Variants in CCDC6 observed in about 807,000 individuals in gnomAD.
The protein encoded by CCDC6 is coiled-coil domain containing 6.
In CCDC6, 20 loss-of-function variants were observed where a neutral mutation model predicts 56.6. The observed-to-expected ratio is 0.35, with a 90% CI of 0.25 to 0.51. CCDC6 has a LOEUF of 0.51. CCDC6 is among the 20% of genes least tolerant of loss of function. The pLI is 0.95. For missense variants in CCDC6, 367 were observed against 601.1 expected, an observed-to-expected ratio of 0.61 and a Z score of 4.07; for synonymous variants, 241 against 234.4, an observed-to-expected ratio of 1.03 and a Z score of -0.26.
chr10:59,855,284 T>C (rs1014273864), intron 1 of CCDC6, among the ~76,000 whole-genome samples: 1 of 152,226 alleles, frequency 6.6e-6, no homozygotes, highest in African/African-American at 2.4e-5. Context: ...ATTGTGGCTC[T>C]AGGCCAGGCG....
At chr10:59,861,718 T>C (rs1157417305) in intron 1 of CCDC6, among the ~76,000 whole-genome samples, 2 of 152,226 alleles carry the variant, frequency 1.3e-5, no homozygotes, top group Non-Finnish European at 2.9e-5. Context: ...AGATTTGGCA[T>C]GGCTTAAGAA....
chr10:59,813,517 C>T (rs1461042998), intron 4 of CCDC6, among the ~76,000 whole-genome samples: 1 of 152,220 alleles, frequency 6.6e-6, no homozygotes, highest in Non-Finnish European at 1.5e-5. Context: ...AAACCTCCAA[C>T]TGCCTTTTAC....
intron 1 of CCDC6, among the ~76,000 whole-genome samples, chr10:59,893,641 TAC>T (rs1466744252): frequency 6.6e-6 from 1 of 151,586 alleles, no homozygotes. Context: ...CATACATACA[TAC>T]ATACATACAT....
At chr10:59,880,222 C>A (rs1589059549) in intron 1 of CCDC6, among the ~76,000 whole-genome samples, 1 of 152,254 alleles carries the variant, frequency 6.6e-6, no homozygotes, top group Admixed American at 6.5e-5. Context: ...CACGATGACA[C>A]CGAGAGGACC....
intron 1 of CCDC6, among the ~76,000 whole-genome samples, chr10:59,859,796 A>G (rs2071111862): frequency 6.6e-6 from 1 of 152,202 alleles, no homozygotes; most frequent in African/African-American, 2.4e-5. Flanking sequence ...AAAGACATAA[A>G]TCTAGAGATA....
At chr10:59,895,217 A>T (rs1231724425) in intron 1 of CCDC6, among the ~76,000 whole-genome samples, 1 of 152,192 alleles carries the variant, frequency 6.6e-6, no homozygotes, top group African/African-American at 2.4e-5. Flanking sequence ...TGGGAGGATC[A>T]CCTGAGCTTA....
rs10561094 is a variant in CCDC6 at position 59,797,588 on chromosome 10, CAAAAAAAAAAAAAAAA to C, written c.1106-3007_1106-2992del. On this transcript the variant is annotated intron_variant, in intron 7 of 8. Coordinates refer to ENST00000263102, the MANE Select transcript of CCDC6 (RefSeq NM_005436.5). ...GTAGCCAATGAACTGAACCTCCTAG[CAAAAAAAAAAAAAAAA>C]AAAAAAAAAAAAAATCAACAAGAAG... Among the ~76,000 whole-genome samples the C allele has an allele frequency of 3.2e-4, 10 of 31,610 alleles. No individual in the cohort carries two copies. In the South Asian group the frequency reaches 0.017, roughly 52 times the overall value. The allele number at this position is 31,610 out of a possible 152,430, so 20.7% of individuals were successfully genotyped here.
In CCDC6 at chr10:59,788,752, G is replaced by A. The variant is rs2070440952; in HGVS notation, c.*4165C>T. 1 of 181,666 alleles carries A rather than the reference G, an allele frequency of 5.5e-6. No homozygotes were observed. The highest frequency in any genetic ancestry group is 2.4e-5 in the African/African-American group (1 of 42,418). 11.3% of individuals were successfully genotyped at this position (181,666 alleles called of 1,614,324 possible). A position where few individuals can be genotyped will look rare whatever the true frequency, so the allele number is the denominator to read the frequency against. ...CGAAATGAAAAAAGATAGGGTTTAA[G>A]GCTCAAGAGGTACATTTTAAAAAAT... On this transcript the variant is annotated 3_prime_UTR_variant, in exon 9 of 9. Coordinates refer to ENST00000263102, the MANE Select transcript of CCDC6 (RefSeq NM_005436.5).
intron 3 of CCDC6, among the ~76,000 whole-genome samples, chr10:59,816,707 C>T (rs895296099): frequency 6.6e-6 from 1 of 152,208 alleles, no homozygotes; most frequent in Non-Finnish European, 1.5e-5. Flanking sequence ...ATGATAATCA[C>T]TATATCTGGA....
chr10:59,799,144 A>T (rs1299957668), intron 7 of CCDC6, among the ~76,000 whole-genome samples: 1 of 151,658 alleles, frequency 6.6e-6, no homozygotes, highest in Admixed American at 6.6e-5. Context: ...AAAAAAAAAA[A>T]TCCTGGCCGG....
Position 59,812,666 on chromosome 10 carries a change from C to T in CCDC6, c.816G>A (p.Leu272=). The T allele has an allele frequency of 1.2e-6, 2 of 1,613,472 alleles. No individual in the cohort carries two copies. Among genetic ancestry groups the T allele is most frequent in the South Asian group, 1.1e-5 (1 of 90,980 alleles). ...IRFLKNEVER[L]KKQLRAAQLQ... ...ACTGAGCAGCTCTCAGTTGCTTCTT[C>T]AGCCGTTCCACTTCATTCTTTAAAA... The change falls in exon 5 of 9, where the codon CTG becomes CTA. Residue 272 remains leucine (L), a synonymous_variant. Transcript: ENST00000263102.
chr10:59,892,448 A>G (rs1302509442), intron 1 of CCDC6, among the ~76,000 whole-genome samples: 1 of 152,128 alleles, frequency 6.6e-6, no homozygotes, highest in Non-Finnish European at 1.5e-5. Context: ...CCAGAGAAAC[A>G]TGGGTCGTTA....
intron 1 of CCDC6, among the ~76,000 whole-genome samples, chr10:59,872,660 G>A (rs1453168334): frequency 1.3e-5 from 2 of 151,972 alleles, no homozygotes; most frequent in Non-Finnish European, 2.9e-5. Context: ...CTCTAGCAAG[G>A]GGTTAACTTT....
intron 3 of CCDC6, among the ~76,000 whole-genome samples, chr10:59,829,090 T>C (rs1031555214): frequency 6.6e-6 from 1 of 152,218 alleles, no homozygotes; most frequent in Non-Finnish European, 1.5e-5. Context: ...GAAGTGTCCA[T>C]ACCAAAGGAC....
chr10:59,808,272 A>C (rs1298512488), intron 5 of CCDC6, among the ~76,000 whole-genome samples: 1 of 152,142 alleles, frequency 6.6e-6, no homozygotes, highest in East Asian at 1.9e-4. Context: ...TGACATCTTT[A>C]TGGGGATCCA....
chr10:59,881,060 C>T (rs148004831), intron 1 of CCDC6, among the ~76,000 whole-genome samples: 371 of 152,190 alleles, frequency 2.4e-3, no homozygotes, highest in Middle Eastern at 6.8e-3. Context: ...AACCAAAGCC[C>T]TTCAGCCCCG....
intron 7 of CCDC6, among the ~76,000 whole-genome samples, chr10:59,795,784 T>C (rs2070511493): frequency 6.6e-6 from 1 of 152,078 alleles, no homozygotes; most frequent in African/African-American, 2.4e-5. Flanking sequence ...ATTTCATCCA[T>C]GTCTCTACAA....
intron 1 of CCDC6, among the ~76,000 whole-genome samples, chr10:59,861,336 G>A (rs187245316): frequency 4.1e-4 from 62 of 150,156 alleles, no homozygotes; most frequent in African/African-American, 1.3e-3. Flanking sequence ...TCTAGCCTGG[G>A]CAACGGAGTA....
At chr10:59,860,770 G>A (rs191958279) in intron 1 of CCDC6, among the ~76,000 whole-genome samples, 28 of 152,262 alleles carry the variant, frequency 1.8e-4, no homozygotes, top group Admixed American at 1.4e-3. Flanking sequence ...AAAAACTACT[G>A]GGCGCGATGG....
Sources: gnomAD v4.1 joint callset for allele counts (sites outside exome capture counted in the v4.1 genomes callset) on GRCh38, gnomAD v4.1.1 for gene constraint, MANE v1.5 for transcripts, NCBI Gene and HGNC (gene_info 2026-07-23, HGNC 2026-07-21) for gene names.